NR4A1: variants seen among roughly 807,000 people sequenced by gnomAD.
NR4A1 encodes the protein nuclear receptor subfamily 4 group A member 1, also known as nuclear receptor subfamily 4immunitygroup A member 1.
Under a neutral mutation model 47.5 loss-of-function variants are expected in NR4A1, and 24 were observed. The ratio of observed to expected loss-of-function variants is 0.50; its 90% confidence interval spans 0.37 to 0.71. The LOEUF is 0.71. NR4A1 is among the 30% of genes least tolerant of loss of function. The pLI is 0.00. For synonymous variants in NR4A1, 353 were observed against 345.7 expected, an observed-to-expected ratio of 1.02 and a Z score of -0.24; for missense variants, 669 against 788.6, an observed-to-expected ratio of 0.85 and a Z score of 1.82.
upstream of NR4A1, among the ~76,000 whole-genome samples, chr12:52,048,423 T>A (rs1938758322): frequency 6.6e-6 from 1 of 151,804 alleles, no homozygotes; most frequent in African/African-American, 2.4e-5. Flanking sequence ...TGAAACCCCG[T>A]CTCTGCTAAA....
At chr12:52,026,152 C>T (rs1420979549) in intron 1 of NR4A1, among the ~76,000 whole-genome samples, 1 of 152,258 alleles carries the variant, frequency 6.6e-6, no homozygotes, top group Admixed American at 6.5e-5. Flanking sequence ...AGCTGCACTG[C>T]TCGCTCACGC....
At chr12:52,023,566 C>A (rs1407666155) in intron 1 of NR4A1, among the ~76,000 whole-genome samples, 1 of 152,124 alleles carries the variant, frequency 6.6e-6, no homozygotes, top group Non-Finnish European at 1.5e-5. Flanking sequence ...CCCGCCCCCA[C>A]CCCGCCTCCA....
intron 1 of NR4A1, among the ~76,000 whole-genome samples, chr12:52,023,283 C>T (rs995043297): frequency 4.6e-5 from 7 of 152,200 alleles, no homozygotes; most frequent in Non-Finnish European, 8.8e-5. Context: ...CGCCGGGCAC[C>T]GCCCTCCCTC....
intron 1 of NR4A1, chr12:52,037,435 C>T (rs1938276436): frequency 1.0e-6 from 1 of 985,394 alleles, no homozygotes; most frequent in Non-Finnish European, 1.2e-6. Context: ...GCGGAGCCCG[C>T]GGGGCCAGGT....
chr12:52,033,227 C>T (rs1038462432), intron 1 of NR4A1, among the ~76,000 whole-genome samples: 2 of 152,172 alleles, frequency 1.3e-5, no homozygotes, highest in Non-Finnish European at 2.9e-5. Context: ...GGCCCTGTTC[C>T]TTCCGGCCCG....
In NR4A1 at chr12:52,059,134, C is replaced by T. The variant is rs113063973; in HGVS notation, c.*190C>T. On this transcript the variant is annotated 3_prime_UTR_variant, in exon 7 of 7. Coordinates refer to ENST00000394825, the MANE Select transcript of NR4A1 (RefSeq NM_173157.3). Reference sequence around the variant, plus strand: ...AGGGGGATGCCTTCATGGGGGTGACCCCACGATTTGTCTTATCCCCCCCAG... The same window carrying T: ...AGGGGGATGCCTTCATGGGGGTGACTCCACGATTTGTCTTATCCCCCCCAG... The T allele has an allele frequency of 1.4e-6, 1 of 708,518 alleles. No homozygotes were observed. Among genetic ancestry groups the T allele is most frequent in the Non-Finnish European group, 2.3e-6 (1 of 442,110 alleles). 43.9% of individuals were successfully genotyped at this position (708,518 alleles called of 1,614,324 possible).
intron 2 of NR4A1, among the ~76,000 whole-genome samples, chr12:52,045,138 A>G (rs929726681): frequency 1.3e-5 from 2 of 152,186 alleles, no homozygotes; most frequent in African/African-American, 4.8e-5. Context: ...ATCTCTGGGC[A>G]CACTCTCTTT....
chr12:52,026,909 G>T (rs372246743), intron 1 of NR4A1, among the ~76,000 whole-genome samples: 3 of 152,192 alleles, frequency 2.0e-5, no homozygotes, highest in Admixed American at 6.5e-5. Context: ...AGGGGAAGGT[G>T]AGAGCACAGA....
At chr12:52,051,406 C>A (rs1938930777), upstream of NR4A1, 1 of 985,544 alleles carries the variant, frequency 1.0e-6, no homozygotes, top group Non-Finnish European at 1.2e-6. Context: ...CCGTGCGTCA[C>A]GGAGCGCTTA....
intron 1 of NR4A1, among the ~76,000 whole-genome samples, chr12:52,032,363 C>T (rs921293000): frequency 6.6e-6 from 1 of 152,250 alleles, no homozygotes; most frequent in Non-Finnish European, 1.5e-5. Flanking sequence ...TGCTCTGATT[C>T]TTGCACCTTC....
chr12:52,027,371 C>T (rs1309134935), intron 1 of NR4A1, among the ~76,000 whole-genome samples: 1 of 152,236 alleles, frequency 6.6e-6, no homozygotes, highest in Non-Finnish European at 1.5e-5. Context: ...GCCTGGTCTG[C>T]TGAGGATGGC....
chr12:52,041,306 G>A (rs1295439656), intron 1 of NR4A1, among the ~76,000 whole-genome samples: 1 of 152,110 alleles, frequency 6.6e-6, no homozygotes, highest in Non-Finnish European at 1.5e-5. Context: ...GATAAGCAGT[G>A]GAGCTAGGAT....
intron 1 of NR4A1, among the ~76,000 whole-genome samples, chr12:52,038,941 A>C (rs1469652905): frequency 6.6e-6 from 1 of 152,156 alleles, no homozygotes; most frequent in Non-Finnish European, 1.5e-5. Context: ...TGCTCTGTGC[A>C]GTGTGAAGCC....
At chr12:52,025,176 C>T (rs1423661430) in intron 1 of NR4A1, among the ~76,000 whole-genome samples, 1 of 151,908 alleles carries the variant, frequency 6.6e-6, no homozygotes, top group Non-Finnish European at 1.5e-5. Context: ...TCTCCTGCCT[C>T]AGTCTCCCGA....
At chr12:52,029,134 AAGTG>A (rs1938063442) in intron 1 of NR4A1, among the ~76,000 whole-genome samples, 1 of 152,198 alleles carries the variant, frequency 6.6e-6, no homozygotes, top group Non-Finnish European at 1.5e-5. Flanking sequence ...GAGCAGTGGA[AAGTG>A]AGTGAGTTGC....
Position 52,059,387 on chromosome 12 carries a change from G to A in NR4A1, c.*443G>A, listed in dbSNP as rs1340276217. The A allele has an allele frequency of 1.9e-5, 3 of 160,642 alleles. No individual in the cohort carries two copies. In the Admixed American group the frequency reaches 1.9e-4, roughly 10 times the overall value. 10.0% of individuals were successfully genotyped at this position (160,642 alleles called of 1,614,324 possible). On this transcript the variant is annotated 3_prime_UTR_variant, in exon 7 of 7. Coordinates refer to ENST00000394825, the MANE Select transcript of NR4A1 (RefSeq NM_173157.3). The stretch of plus-strand genomic sequence containing the variant: ...TGTACATAAACTGTCACTCTAGGAA[G>A]AAGACAAATGACAGATTCTGACATT...
intron 1 of NR4A1, among the ~76,000 whole-genome samples, chr12:52,029,842 G>C (rs893499386): frequency 8.5e-5 from 13 of 152,212 alleles, no homozygotes; most frequent in Non-Finnish European, 1.8e-4. Context: ...CTTGAGGGTT[G>C]TCACCGGTAA....
chr12:52,051,152 AGCGGGCGCG>A (rs1320351929), upstream of NR4A1, among the ~76,000 whole-genome samples: 1 of 152,154 alleles, frequency 6.6e-6, no homozygotes, highest in Non-Finnish European at 1.5e-5. Context: ...TGCTATTTTT[AGCGGGCGCG>A]GCGGGCGCGA....
intron 1 of NR4A1, chr12:52,052,402 G>A (rs1939030014): frequency 2.5e-6 from 2 of 813,510 alleles, no homozygotes; most frequent in Non-Finnish European, 3.0e-6. Context: ...GTCTTGGGGC[G>A]GTGCTGCCTA....
Sources: allele counts gnomAD v4.1 joint callset (sites outside exome capture counted in the v4.1 genomes callset), GRCh38; gene constraint gnomAD v4.1.1; transcripts MANE v1.5; gene names NCBI Gene and HGNC (gene_info 2026-07-23, HGNC 2026-07-21).